Variants in GALNTL6 observed in about 807,000 individuals in gnomAD.
GALNTL6 encodes the protein polypeptide N-acetylgalactosaminyltransferase like 6.
GALNTL6 carries 46 observed loss-of-function variants against 73.7 expected under a neutral mutation model. That is an observed-to-expected ratio of 0.62 (90% CI 0.49 to 0.80). The LOEUF is 0.80. GALNTL6 is among the 30% of genes least tolerant of loss of function. The pLI is 0.00. For synonymous variants in GALNTL6, 259 were observed against 263.7 expected (o/e 0.98, Z 0.17); for missense variants, 604 against 755.0 (o/e 0.80, Z 2.34).
intron 5 of GALNTL6, among the ~76,000 whole-genome samples, chr4:172,594,264 G>T (rs1300840864): frequency 1.3e-5 from 2 of 152,106 alleles, no homozygotes; most frequent in Non-Finnish European, 2.9e-5. Context: ...AGAACTGCTT[G>T]AACCCAGGAG....
At chr4:172,847,000 C>G (rs377566883) in intron 7 of GALNTL6, among the ~76,000 whole-genome samples, 30 of 152,158 alleles carry the variant, frequency 2.0e-4, no homozygotes, top group East Asian at 1.9e-3. Context: ...CTGCATTGTT[C>G]CTGACATAGG....
chr4:172,603,210 G>A (rs1422351201), intron 5 of GALNTL6, among the ~76,000 whole-genome samples: 1 of 152,168 alleles, frequency 6.6e-6, no homozygotes, highest in Non-Finnish European at 1.5e-5. Flanking sequence ...TTCATCGTAT[G>A]CAAATTATAC....
intron 8 of GALNTL6, among the ~76,000 whole-genome samples, chr4:172,890,023 T>G (rs755816617): frequency 1.3e-5 from 2 of 152,200 alleles, no homozygotes; most frequent in Non-Finnish European, 2.9e-5. Context: ...TCCTCTAGAT[T>G]TTCTAGCTTG....
At chr4:172,577,413 T>C (rs2110964150) in intron 5 of GALNTL6, among the ~76,000 whole-genome samples, 1 of 152,332 alleles carries the variant, frequency 6.6e-6, no homozygotes, top group South Asian at 2.1e-4. Flanking sequence ...TTTATACAAA[T>C]TTATTTATAT....
At chr4:172,843,001 C>T (rs374532417) in intron 7 of GALNTL6, among the ~76,000 whole-genome samples, 5 of 152,084 alleles carry the variant, frequency 3.3e-5, no homozygotes, top group African/African-American at 1.2e-4. Context: ...CTCTTTGTCT[C>T]TATTATGTGC....
At chr4:172,035,107 C>T (rs1182971663) in intron 2 of GALNTL6, among the ~76,000 whole-genome samples, 2 of 151,964 alleles carry the variant, frequency 1.3e-5, no homozygotes, top group South Asian at 2.1e-4. Flanking sequence ...ATGTCTATGC[C>T]TGTCCTTTTT....
chr4:172,147,143 G>T (rs1466730876), intron 2 of GALNTL6, among the ~76,000 whole-genome samples: 1 of 152,092 alleles, frequency 6.6e-6, no homozygotes, highest in Non-Finnish European at 1.5e-5. Context: ...ATTTGTTACT[G>T]TCAACTTTAT....
intron 4 of GALNTL6, among the ~76,000 whole-genome samples, chr4:172,339,601 G>T (rs924134074): frequency 6.6e-6 from 1 of 152,142 alleles, no homozygotes; most frequent in African/African-American, 2.4e-5. Context: ...ATGGCATCCT[G>T]CTTTCAACTC....
At chr4:171,832,077 A>G (rs1734990284) in intron 2 of GALNTL6, among the ~76,000 whole-genome samples, 1 of 151,406 alleles carries the variant, frequency 6.6e-6, no homozygotes, top group Non-Finnish European at 1.5e-5. Context: ...ATTATATTTT[A>G]TGTAGTTATA....
intron 3 of GALNTL6, among the ~76,000 whole-genome samples, chr4:172,276,970 A>G (rs1242637535): frequency 2.6e-5 from 4 of 152,128 alleles, no homozygotes; most frequent in African/African-American, 7.2e-5. Context: ...TGGGTTTGAT[A>G]GTTTTGACCA....
At chr4:172,536,469 A>G (rs7699912) in intron 5 of GALNTL6, among the ~76,000 whole-genome samples, 31,963 of 152,086 alleles carry the variant, frequency 0.21, 3,690 homozygotes, top group African/African-American at 0.29. Flanking sequence ...GGCTGAGGTG[A>G]TATCAGATGG....
intron 12 of GALNTL6, among the ~76,000 whole-genome samples, chr4:173,032,689 A>G (rs937420662): frequency 6.6e-6 from 1 of 152,214 alleles, no homozygotes; most frequent in Non-Finnish European, 1.5e-5. Flanking sequence ...TGTCTCAAAA[A>G]TATAAAAAAG....
chr4:172,709,527 A>G (rs1413457652), intron 5 of GALNTL6, among the ~76,000 whole-genome samples: 1 of 152,138 alleles, frequency 6.6e-6, no homozygotes, highest in Non-Finnish European at 1.5e-5. Context: ...CTGTGGATAA[A>G]ACAAACAGTT....
chr4:172,583,050 G>A (rs1379261923), intron 5 of GALNTL6, among the ~76,000 whole-genome samples: 1 of 151,918 alleles, frequency 6.6e-6, no homozygotes, highest in Non-Finnish European at 1.5e-5. Context: ...TTCTTCACTG[G>A]GAAAAACATA....
intron 2 of GALNTL6, among the ~76,000 whole-genome samples, chr4:171,996,723 CAAAA>C (rs35734964): frequency 2.1e-5 from 2 of 94,178 alleles, no homozygotes; most frequent in African/African-American, 3.8e-5. Context: ...AGCTGACGAG[CAAAA>C]AAAAAAAAAA....
intron 2 of GALNTL6, among the ~76,000 whole-genome samples, chr4:172,194,443 G>T (rs940549008): frequency 2.0e-5 from 3 of 152,124 alleles, no homozygotes; most frequent in Admixed American, 6.6e-5. Flanking sequence ...AATTCAGGAA[G>T]TCCAGAGAAG....
At chr4:173,010,643 G>A (rs1281794070) in intron 11 of GALNTL6, among the ~76,000 whole-genome samples, 3 of 151,938 alleles carry the variant, frequency 2.0e-5, no homozygotes, top group Non-Finnish European at 4.4e-5. Context: ...TCACCAGGCT[G>A]GAGTGCAGTG....
chr4:172,928,483 G>A (rs1481239528), intron 8 of GALNTL6, among the ~76,000 whole-genome samples: 1 of 152,170 alleles, frequency 6.6e-6, no homozygotes, highest in African/African-American at 2.4e-5. Flanking sequence ...CTGTAGAATT[G>A]CCTTAAATTA....
At chr4:172,743,612 C>CA (rs1736925870) in intron 5 of GALNTL6, among the ~76,000 whole-genome samples, 1 of 151,892 alleles carries the variant, frequency 6.6e-6, no homozygotes, top group African/African-American at 2.4e-5. Flanking sequence ...CCTGGCTCAT[C>CA]AAAAAAATTA....
Sources: gnomAD v4.1 joint callset for allele counts (sites outside exome capture counted in the v4.1 genomes callset) on GRCh38, gnomAD v4.1.1 for gene constraint, MANE v1.5 for transcripts, NCBI Gene and HGNC (gene_info 2026-07-23, HGNC 2026-07-21) for gene names.